PDE1A: variants seen among roughly 807,000 people sequenced by gnomAD.
PDE1A encodes the protein phosphodiesterase 1A.
In PDE1A, 35 loss-of-function variants were observed where a neutral mutation model predicts 61.7. That is an observed-to-expected ratio of 0.57 (90% CI 0.43 to 0.75). The LOEUF is 0.75. Ranked by LOEUF, PDE1A falls within the 30% of genes least tolerant of loss-of-function variation. The pLI, the probability that PDE1A is intolerant of heterozygous loss-of-function variation, is 0.00. For missense variants in PDE1A, 597 were observed against 630.6 expected, an observed-to-expected ratio of 0.95 and a Z score of 0.57; for synonymous variants, 232 against 213.2, an observed-to-expected ratio of 1.09 and a Z score of -0.77.
chr2:182,616,008 C>G, the PDE1A span, among the ~76,000 whole-genome samples: 1 of 152,188 alleles, frequency 6.6e-6, no homozygotes, highest in African/African-American at 2.4e-5. Flanking sequence ...ACATTCAAAC[C>G]ATAGCACTTA....
chr2:182,223,701 G>A (rs1010756585), intron 7 of PDE1A, among the ~76,000 whole-genome samples, 163 bp downstream of exon 7: 1 of 151,862 alleles, frequency 6.6e-6, no homozygotes, highest in Non-Finnish European at 1.5e-5. Flanking sequence ...AAAAATAGTA[G>A]TTAATTGATT....
chr2:182,247,365 C>G (rs1199356068), intron 2 of PDE1A, among the ~76,000 whole-genome samples: 1 of 152,138 alleles, frequency 6.6e-6, no homozygotes, highest in Non-Finnish European at 1.5e-5. Context: ...TAAGAAACTT[C>G]TAATGAAGAC....
At chr2:182,198,259 TA>T (rs895490307) in intron 10 of PDE1A, among the ~76,000 whole-genome samples, 1 of 151,966 alleles carries the variant, frequency 6.6e-6, no homozygotes, top group African/African-American at 2.4e-5. Context: ...TTAATTCTAG[TA>T]AGTAGCCTTT....
At chr2:182,416,685 T>C (rs1702938388) in intron 1 of PDE1A, among the ~76,000 whole-genome samples, 1 of 152,164 alleles carries the variant, frequency 6.6e-6, no homozygotes, top group Non-Finnish European at 1.5e-5. Flanking sequence ...ACAGTGAATT[T>C]CAGAAAAATA....
downstream of PDE1A, among the ~76,000 whole-genome samples, chr2:182,167,428 T>C (rs1003881900): frequency 6.6e-6 from 1 of 152,152 alleles, no homozygotes; most frequent in Non-Finnish European, 1.5e-5. Context: ...TCCTCCTCAT[T>C]TTAATGCTAA....
At chr2:182,685,402 T>C in the PDE1A span, among the ~76,000 whole-genome samples, 1 of 152,216 alleles carries the variant, frequency 6.6e-6, no homozygotes, top group African/African-American at 2.4e-5. Context: ...ATTCTCATTA[T>C]TGAAAAAGTG....
intron 1 of PDE1A, among the ~76,000 whole-genome samples, chr2:182,364,466 T>TAAAAAAAAAA (rs201821721): frequency 0.046 from 1,648 of 35,838 alleles, 530 homozygotes; most frequent in Non-Finnish European, 0.066. Flanking sequence ...AACACTTTGG[T>TAAAAAAAAAA]AAAAAAAAAA....
intron 1 of PDE1A, among the ~76,000 whole-genome samples, chr2:182,302,436 A>G (rs1344158005): frequency 3.9e-5 from 6 of 152,366 alleles, no homozygotes; most frequent in South Asian, 2.1e-4. Flanking sequence ...TAATCTCTTA[A>G]GTGTGCAACA....
intron 1 of PDE1A, among the ~76,000 whole-genome samples, chr2:182,349,420 G>T (rs1355469108): frequency 1.3e-5 from 2 of 152,146 alleles, no homozygotes; most frequent in Non-Finnish European, 2.9e-5. Flanking sequence ...GAATGGAAAA[G>T]CTTTTCAGTA....
intron 1 of PDE1A, among the ~76,000 whole-genome samples, chr2:182,399,763 C>T (rs1310314004): frequency 6.6e-6 from 1 of 151,988 alleles, no homozygotes; most frequent in African/African-American, 2.4e-5. Flanking sequence ...CTATTTCACT[C>T]CTCCTAATAG....
intron 7 of PDE1A, among the ~76,000 whole-genome samples, chr2:182,211,321 A>G (rs1367688453): frequency 2.6e-5 from 4 of 152,146 alleles, no homozygotes; most frequent in Non-Finnish European, 4.4e-5. Context: ...AGATCAGTTG[A>G]CTATATTTTT....
intron 2 of PDE1A, among the ~76,000 whole-genome samples, chr2:182,508,614 A>G (rs1353221294): frequency 2.0e-5 from 3 of 151,796 alleles, no homozygotes; most frequent in Non-Finnish European, 1.5e-5. Context: ...AGGAGCCACA[A>G]ATAAACATCA....
At chr2:182,373,385 G>A (rs1700223711) in intron 1 of PDE1A, among the ~76,000 whole-genome samples, 1 of 152,164 alleles carries the variant, frequency 6.6e-6, no homozygotes, top group East Asian at 1.9e-4. Context: ...AACCAACAGT[G>A]TAAATTACTT....
chr2:182,410,415 C>A (rs1468960568), intron 1 of PDE1A, among the ~76,000 whole-genome samples: 1 of 152,024 alleles, frequency 6.6e-6, no homozygotes, highest in African/African-American at 2.4e-5. Flanking sequence ...CAGTTTGAAA[C>A]TATGAATAAA....
intron 1 of PDE1A, among the ~76,000 whole-genome samples, chr2:182,372,966 G>T (rs1700198738): frequency 6.6e-6 from 1 of 152,220 alleles, no homozygotes. Context: ...ATCCACTCAT[G>T]ACTTAGGAAA....
chr2:182,517,067 G>A (rs1448056247), intron 2 of PDE1A, among the ~76,000 whole-genome samples: 1 of 152,172 alleles, frequency 6.6e-6, no homozygotes, highest in Non-Finnish European at 1.5e-5. Context: ...CCAAGCCTGG[G>A]AATTGAGTTT....
At chr2:182,236,760 G>A (rs1690053014) in intron 3 of PDE1A, among the ~76,000 whole-genome samples, 1 of 152,036 alleles carries the variant, frequency 6.6e-6, no homozygotes, top group Non-Finnish European at 1.5e-5. Context: ...GAGCTCTCTG[G>A]CCTCAATGGG....
intron 2 of PDE1A, among the ~76,000 whole-genome samples, chr2:182,472,208 A>G (rs1218048545): frequency 2.0e-5 from 3 of 151,934 alleles, no homozygotes; most frequent in African/African-American, 7.2e-5. Context: ...ACTACTTGGT[A>G]TCTACCCAAA....
At chr2:182,315,243 T>C (rs751911862) in intron 1 of PDE1A, among the ~76,000 whole-genome samples, 6 of 152,200 alleles carry the variant, frequency 3.9e-5, no homozygotes, top group Non-Finnish European at 8.8e-5. Context: ...ATCATTTTCA[T>C]TAATAAGTTT....
Sources: gnomAD v4.1 joint callset for allele counts (sites outside exome capture counted in the v4.1 genomes callset) on GRCh38, gnomAD v4.1.1 for gene constraint, MANE v1.5 for transcripts, NCBI Gene and HGNC (gene_info 2026-07-23, HGNC 2026-07-21) for gene names.